The following KCTD14 variants were observed in gnomAD, a reference collection of about 807,000 sequenced individuals.
KCTD14 encodes the protein potassium channel tetramerization domain containing 14.
KCTD14 carries 7 observed loss-of-function variants against 5.9 expected under a neutral mutation model. The observed-to-expected ratio is 1.19, with a 90% confidence interval of 0.68 to 2.23. The LOEUF is 2.23. Ranked by LOEUF, KCTD14 falls within the 30% of genes most tolerant of loss-of-function variation. KCTD14 has a pLI of 0.00. For synonymous variants in KCTD14, 140 were observed against 133.1 expected, an observed-to-expected ratio of 1.05 and a Z score of -0.36; for missense variants, 342 against 332.2, an observed-to-expected ratio of 1.03 and a Z score of -0.23.
At chr11:78,042,146 A>C (rs924438387) in intron 1 of KCTD14, among the ~76,000 whole-genome samples, 9 of 152,260 alleles carry the variant, frequency 5.9e-5, no homozygotes, top group South Asian at 2.1e-4. Flanking sequence ...CTGGTGTCAC[A>C]GGCTGACTGT....
chr11:78,022,118 G>T (rs1175674598), intron 1 of KCTD14, among the ~76,000 whole-genome samples: 1 of 152,120 alleles, frequency 6.6e-6, no homozygotes, highest in Non-Finnish European at 1.5e-5. Flanking sequence ...CATTGACTGT[G>T]AGGTTCCTGG....
intron 1 of KCTD14, among the ~76,000 whole-genome samples, chr11:78,041,282 GAGACCCAAGAACACAGC>G (rs1391653074): frequency 6.6e-6 from 1 of 152,172 alleles, no homozygotes; most frequent in African/African-American, 2.4e-5. Context: ...CTGGATGCTG[GAGACCCAAGAACACAGC>G]AGACCCAGTC....
chr11:78,017,825 G>A lies in KCTD14; in HGVS notation c.91-555C>T, dbSNP rs143267781. Among the ~76,000 whole-genome samples, 144 of 152,212 alleles carry A rather than the reference G, an allele frequency of 9.5e-4. 2 individuals carry two copies. The East Asian group carries it at 0.024, about 26-fold the overall frequency. ...AATGTTATGGGAGGAGGCCAGGCAC[G>A]GTGGCTCACGCCTGTAATCCCAGCA... On this transcript the variant is annotated intron_variant, in intron 1 of 1. Transcript: ENST00000353172.
At chr11:78,031,821 A>C (rs1013066507) in intron 2 of KCTD14, among the ~76,000 whole-genome samples, 4 of 152,212 alleles carry the variant, frequency 2.6e-5, no homozygotes, top group Non-Finnish European at 5.9e-5. Flanking sequence ...GCTGTAATTG[A>C]ATAACCACAG....
chr11:78,022,226 C>T (rs1857328823), intron 1 of KCTD14, among the ~76,000 whole-genome samples: 1 of 152,028 alleles, frequency 6.6e-6, no homozygotes, highest in Non-Finnish European at 1.5e-5. Flanking sequence ...CTGGGTCTCA[C>T]CAACATGGCG....
chr11:78,018,483 G>C (rs1383970203), intron 1 of KCTD14, among the ~76,000 whole-genome samples: 5 of 152,110 alleles, frequency 3.3e-5, no homozygotes, highest in African/African-American at 1.2e-4. Context: ...GAGGTGAGTG[G>C]ATCACTTGAG....
Position 78,038,880 on chromosome 11 carries a change from G to A in KCTD14, c.-95-122C>T, listed in dbSNP as rs1220389664. ...CACACTGCAGAACTGGATGGCTACT[G>A]CTGCTGTGGTCACGGTCAGGCCCGG... On this transcript the variant is annotated intron_variant, in intron 1 of 2. Coordinates refer to the KCTD14 transcript ENST00000533144. 1.0e-5 allele frequency: 12 copies of A among 1,169,472 alleles called. No individual in the cohort carries two copies. In the East Asian group the frequency reaches 3.1e-4, roughly 30 times the overall value. 72.4% of individuals were successfully genotyped at this position (1,169,472 alleles called of 1,614,324 possible).
chr11:78,026,705 G>A (rs1426164129), upstream of KCTD14, among the ~76,000 whole-genome samples: 5 of 152,128 alleles, frequency 3.3e-5, no homozygotes, highest in Non-Finnish European at 7.4e-5. Context: ...GGAGGTCAGG[G>A]CTGTAGTCAC....
intron 2 of KCTD14, among the ~76,000 whole-genome samples, chr11:78,035,854 A>AAAC (rs1328145397): frequency 1.4e-5 from 2 of 147,594 alleles, no homozygotes; most frequent in Non-Finnish European, 3.0e-5. Context: ...CAAAAAAAAA[A>AAAC]AAAAAAAAAA....
chr11:78,031,701 T>A (rs1857622453), intron 2 of KCTD14, among the ~76,000 whole-genome samples: 1 of 152,168 alleles, frequency 6.6e-6, no homozygotes, highest in Non-Finnish European at 1.5e-5. Context: ...AATCCCTTTT[T>A]AGAGAGGAGG....
At chr11:78,033,755 C>T (rs868816630) in intron 2 of KCTD14, among the ~76,000 whole-genome samples, 9 of 148,808 alleles carry the variant, frequency 6.0e-5, no homozygotes, top group African/African-American at 2.0e-4. Context: ...GGCTGAGGCA[C>T]GAGGATTGCT....
Position 78,016,771 on chromosome 11 carries a change from G to A in KCTD14, c.590C>T (p.Ser197Phe). ...CFLQDKKMFKSVVKFGPWKAV... is the reference protein window; with the variant it reads ...CFLQDKKMFKFVVKFGPWKAV... The stretch of plus-strand genomic sequence containing the variant: ...CTTCCAGGGCCCAAACTTGACAACA[G>A]ACTTGAACATCTTCTTATCCTGCAG... Residue 197 changes from serine (S) to phenylalanine (F), a missense_variant, in exon 2 of 2, where the codon TCT (serine) becomes TTT (phenylalanine). Transcript: ENST00000353172. 6.2e-7 allele frequency: 1 copy of A among 1,614,158 alleles called. No homozygotes were observed. Among genetic ancestry groups the A allele is most frequent in the Non-Finnish European group, 8.5e-7 (1 of 1,180,000 alleles).
upstream of KCTD14, among the ~76,000 whole-genome samples, chr11:78,024,411 TACACACACACAC>T (rs58091495): frequency 8.6e-6 from 1 of 116,850 alleles, no homozygotes; most frequent in Non-Finnish European, 1.7e-5. Context: ...TATATATATA[TACACACACACAC>T]ACACACACAC....
intron 2 of KCTD14, among the ~76,000 whole-genome samples, chr11:78,033,629 C>A (rs1281789472): frequency 6.6e-6 from 1 of 150,664 alleles, no homozygotes; most frequent in African/African-American, 2.4e-5. Flanking sequence ...TTGCAGTGAG[C>A]TGAGATTGTA....
chr11:78,040,252 C>A (rs571139769), intron 1 of KCTD14, among the ~76,000 whole-genome samples: 1 of 152,200 alleles, frequency 6.6e-6, no homozygotes, highest in African/African-American at 2.4e-5. Context: ...TTTTTTCTGG[C>A]TGATTCAAAG....
intron 1 of KCTD14, among the ~76,000 whole-genome samples, chr11:78,021,960 G>T (rs1054770217): frequency 1.3e-5 from 2 of 152,094 alleles, no homozygotes; most frequent in Admixed American, 1.3e-4. Flanking sequence ...TTGGCCATCC[G>T]CACTCCTTTC....
intron 1 of KCTD14, among the ~76,000 whole-genome samples, chr11:78,019,679 G>A (rs2372892): frequency 0.74 from 112,970 of 152,044 alleles, 42,798 homozygotes; most frequent in Non-Finnish European, 0.81. Context: ...AAATAATAAC[G>A]GGAACATTCT....
intron 1 of KCTD14, among the ~76,000 whole-genome samples, chr11:78,017,583 T>C (rs1350872014): frequency 4.6e-5 from 7 of 151,758 alleles, no homozygotes; most frequent in African/African-American, 1.5e-4. Context: ...TCGCTGGGAC[T>C]GCAGGCGCCT....
intron 1 of KCTD14, among the ~76,000 whole-genome samples, chr11:78,043,195 C>T (rs1165419463): frequency 1.3e-5 from 2 of 152,206 alleles, no homozygotes; most frequent in African/African-American, 4.8e-5. Flanking sequence ...AGCAGCCCAA[C>T]CCCTGGCATT....
Sources: allele counts gnomAD v4.1 joint callset (sites outside exome capture counted in the v4.1 genomes callset), GRCh38; gene constraint gnomAD v4.1.1; transcripts MANE v1.5; gene names NCBI Gene and HGNC (gene_info 2026-07-23, HGNC 2026-07-21).